The following RAI1 variants were observed in gnomAD, a reference collection of about 807,000 sequenced individuals.
The protein encoded by RAI1 is retinoic acid induced 1, also known as retinoic acid-induced protein 1.
RAI1 carries 9 observed loss-of-function variants against 123.8 expected under a neutral mutation model. That is an observed-to-expected ratio of 0.07 (90% CI 0.04 to 0.13). The LOEUF is 0.13. Ranked by LOEUF, RAI1 falls within the 10% of genes least tolerant of loss-of-function variation. The probability of loss-of-function intolerance (pLI) is 1.00; values close to 1 mark genes in which losing one functional copy is unlikely to be tolerated. For missense variants in RAI1, 2,256 were observed against 2,545.8 expected (o/e 0.89, Z 2.45); for synonymous variants, 1,231 against 1,127.3 (o/e 1.09, Z -1.84).
chr17:17,700,817 C>T (rs1321300377), intron 1 of RAI1, among the ~76,000 whole-genome samples: 1 of 131,808 alleles, frequency 7.6e-6, no homozygotes, highest in African/African-American at 3.8e-5. Context: ...CTTCGTGCTC[C>T]CCCGCGCCGT....
At position 17,685,227 on chromosome 17, in the gene RAI1, G is replaced by A. The variant is rs897227936; in HGVS notation, c.-149+3434G>A. Reference sequence around the variant, plus strand: ...GGTGTGCGCAGAGCAGCGTCTCTGCGGGAGAGGCACCTGGGCACTGGGCCC... The same window carrying A: ...GGTGTGCGCAGAGCAGCGTCTCTGCAGGAGAGGCACCTGGGCACTGGGCCC... On this transcript the variant is annotated intron_variant, in intron 1 of 5. Coordinates refer to ENST00000353383, the MANE Select transcript of RAI1 (RefSeq NM_030665.4). The surrounding 1 kb of genome is among the most constrained non-coding windows in gnomAD (Gnocchi z 4.0). Among the ~76,000 whole-genome samples, 4 of 152,250 alleles carry A rather than the reference G, an allele frequency of 2.6e-5. No individual in the cohort carries two copies. Among genetic ancestry groups the A allele is most frequent in the African/African-American group, 7.2e-5 (3 of 41,462 alleles).
At chr17:17,712,435 C>T (rs917785064) in intron 1 of RAI1, among the ~76,000 whole-genome samples, 1 of 152,008 alleles carries the variant, frequency 6.6e-6, no homozygotes, top group Non-Finnish European at 1.5e-5. Flanking sequence ...GTGGCTGCAG[C>T]GGGAGTGGGT....
rs1283826369 is a variant in RAI1 at position 17,797,865 on chromosome 17, G to A, written c.4917G>A (p.Ser1639=). The A allele has an allele frequency of 8.1e-6, 13 of 1,613,732 alleles. No homozygotes were observed. Among genetic ancestry groups the A allele is most frequent in the Admixed American group, 3.3e-5 (2 of 59,990 alleles). ...SSASSSSSSS[S]FSLDAAGASL... ...CCTCCTCTTCCTCATCCTCGTCCTC[G>A]TTCTCCTTGGATGCAGCCGGGGCCT... is the stretch of plus-strand genomic sequence containing the variant. Residue 1639 remains serine, a synonymous_variant, in exon 3 of 6, where the codon TCG becomes TCA. Coordinates refer to ENST00000353383, the MANE Select transcript of RAI1 (RefSeq NM_030665.4).
At chr17:17,690,389 CAAAAA>C (rs34265723) in intron 1 of RAI1, among the ~76,000 whole-genome samples, 2 of 122,260 alleles carry the variant, frequency 1.6e-5, no homozygotes, top group Non-Finnish European at 3.4e-5. Context: ...GACCTTGTCT[CAAAAA>C]AAAAAAAAAA....
chr17:17,787,032 ACT>A (rs1327754273), intron 2 of RAI1, among the ~76,000 whole-genome samples: 2 of 152,118 alleles, frequency 1.3e-5, no homozygotes, highest in Non-Finnish European at 1.5e-5. Flanking sequence ...CAGGAGGGAA[ACT>A]CTGTCTCAAA....
chr17:17,739,344 C>T (rs1916539562), intron 2 of RAI1, among the ~76,000 whole-genome samples: 1 of 152,156 alleles, frequency 6.6e-6, no homozygotes, highest in Admixed American at 6.5e-5. Flanking sequence ...GACAAGCCAG[C>T]CCCCAGGAGC....
rs1037736488 is a variant in RAI1, at chr17:17,809,955, G to T, written c.5710-15G>T. 1 of 1,558,724 alleles carries T rather than the reference G, an allele frequency of 6.4e-7. No homozygotes were observed. The highest frequency in any genetic ancestry group is 8.7e-7 in the Non-Finnish European group (1 of 1,153,222). The stretch of plus-strand genomic sequence containing the variant: ...CCGAGGTCGTCGGTAACTGGCGGGC[G>T]GGCGTCTTTTGCAGAGGCTGCCGTA... On this transcript the variant is annotated splice_polypyrimidine_tract_variant and intron_variant, in intron 5 of 5. Coordinates refer to ENST00000353383, the MANE Select transcript of RAI1 (RefSeq NM_030665.4). This position sits in a 1 kb window ranked among gnomAD's most constrained non-coding sequence, Gnocchi z 4.9.
intron 2 of RAI1, among the ~76,000 whole-genome samples, chr17:17,762,795 CTCCT>C (rs1418007309): frequency 6.6e-6 from 1 of 152,132 alleles, no homozygotes; most frequent in Non-Finnish European, 1.5e-5. Context: ...AGCCTGTTCA[CTCCT>C]TCATGCACCC....
intron 2 of RAI1, among the ~76,000 whole-genome samples, chr17:17,764,199 T>C (rs920488265): frequency 9.2e-5 from 14 of 152,194 alleles, no homozygotes; most frequent in African/African-American, 2.7e-4. Flanking sequence ...TTGGGAGGGA[T>C]TGAGTAGAGT....
At chr17:17,765,269 A>G (rs1217700313) in intron 2 of RAI1, among the ~76,000 whole-genome samples, 1 of 152,242 alleles carries the variant, frequency 6.6e-6, no homozygotes, top group African/African-American at 2.4e-5. Flanking sequence ...TGGAACTGCC[A>G]TGGTCTCATT....
At chr17:17,773,820 G>C (rs1319467444) in intron 2 of RAI1, among the ~76,000 whole-genome samples, 1 of 152,168 alleles carries the variant, frequency 6.6e-6, no homozygotes, top group African/African-American at 2.4e-5. Context: ...GCTACCTCTG[G>C]AAACTGAGTT....
intron 2 of RAI1, among the ~76,000 whole-genome samples, chr17:17,751,956 T>G (rs1042962540): frequency 2.7e-5 from 4 of 150,298 alleles, no homozygotes; most frequent in East Asian, 1.9e-4. Context: ...AAGGGCAGAG[T>G]TTTTTTTTAT....
intron 2 of RAI1, among the ~76,000 whole-genome samples, chr17:17,780,811 G>GCCCCTTGAGAAC (rs1020979473): frequency 6.6e-6 from 1 of 152,198 alleles, no homozygotes; most frequent in African/African-American, 2.4e-5. Context: ...TGGGGGAGAA[G>GCCCCTTGAGAAC]CCCCTTGAGA....
chr17:17,783,176 G>A (rs2031671415), intron 2 of RAI1, among the ~76,000 whole-genome samples: 1 of 152,164 alleles, frequency 6.6e-6, no homozygotes, highest in African/African-American at 2.4e-5. Flanking sequence ...CTCTCCTGGC[G>A]CCTGCAGCGA....
chr17:17,718,205 A>G (rs1345844250), intron 1 of RAI1, among the ~76,000 whole-genome samples: 1 of 151,546 alleles, frequency 6.6e-6, no homozygotes, highest in African/African-American at 2.4e-5. Flanking sequence ...CAGAACCTGC[A>G]TGGGTCGGGG....
intron 1 of RAI1, among the ~76,000 whole-genome samples, chr17:17,700,418 G>GC (rs1361621170): frequency 6.6e-6 from 1 of 151,746 alleles, no homozygotes; most frequent in Non-Finnish European, 1.5e-5. Flanking sequence ...GCGCCCCGCC[G>GC]CCCCTCGGCG....
intron 2 of RAI1, among the ~76,000 whole-genome samples, chr17:17,772,613 A>C (rs1247482552): frequency 6.6e-6 from 1 of 151,668 alleles, no homozygotes; most frequent in Non-Finnish European, 1.5e-5. Flanking sequence ...TCTCACTACT[A>C]TCTCTCACTC....
chr17:17,803,557 TCACTATTTTTTGTAGAGACAGTTTCAC>T (rs781282765), intron 3 of RAI1, among the ~76,000 whole-genome samples, 172 bp from the exon 4 acceptor site: 3 of 151,700 alleles, frequency 2.0e-5, no homozygotes, highest in Non-Finnish European at 2.9e-5. Context: ...CCACCAACCC[TCACTATTTTTTGTAGAGACAGTTTCAC>T]CATGTTGCCC....
At chr17:17,741,237 C>G (rs1257098521) in intron 2 of RAI1, among the ~76,000 whole-genome samples, 2 of 151,984 alleles carry the variant, frequency 1.3e-5, no homozygotes, top group East Asian at 3.8e-4. Context: ...TAGCATCTGA[C>G]CAGCAGAGAA....
Sources: allele counts gnomAD v4.1 joint callset (sites outside exome capture counted in the v4.1 genomes callset), GRCh38; gene constraint gnomAD v4.1.1; non-coding constraint Gnocchi (gnomAD v3.1); transcripts MANE v1.5; gene names NCBI Gene and HGNC (gene_info 2026-07-23, HGNC 2026-07-21).